Variants in UMODL1 observed in about 807,000 individuals in gnomAD.
The protein encoded by UMODL1 is uromodulin-like 1.
UMODL1 carries 128 observed loss-of-function variants against 136.3 expected under a neutral mutation model. The ratio of observed to expected loss-of-function variants is 0.94; its 90% CI spans 0.81 to 1.09. The LOEUF is 1.09. Among genes scored for constraint, UMODL1 ranks in the 50% least tolerant of loss-of-function variants. UMODL1 has a pLI of 0.00. For missense variants in UMODL1, 1,766 were observed against 1,725.6 expected, an observed-to-expected ratio of 1.02 and a Z score of -0.41; for synonymous variants, 721 against 720.0, an observed-to-expected ratio of 1.00 and a Z score of -0.02.
chr21:42,128,270 G>A (rs1449091655), intron 20 of UMODL1: 1 of 284,874 alleles, frequency 3.5e-6, no homozygotes, highest in Non-Finnish European at 6.9e-6. Flanking sequence ...CAACAATCAT[G>A]CAGGGATAAT....
chr21:42,076,579 C>G (rs2066294168), intron 2 of UMODL1, among the ~76,000 whole-genome samples: 1 of 152,134 alleles, frequency 6.6e-6, no homozygotes, highest in Non-Finnish European at 1.5e-5. Context: ...ATGCCTGGGT[C>G]TCTTCCTGAG....
At chr21:42,063,391 G>T (rs1286147120) in intron 1 of UMODL1, among the ~76,000 whole-genome samples, 1 of 152,182 alleles carries the variant, frequency 6.6e-6, no homozygotes, top group Non-Finnish European at 1.5e-5. Flanking sequence ...CAACCTTGCT[G>T]CCCCTCGGAG....
intron 3 of UMODL1, 45 bp downstream of exon 3, chr21:42,084,290 G>C: frequency 6.3e-7 from 1 of 1,599,630 alleles, no homozygotes. Flanking sequence ...GCAAAGGCGG[G>C]TCTCGGTGAG....
intron 7 of UMODL1, among the ~76,000 whole-genome samples, chr21:42,101,192 C>G (rs1031847484): frequency 3.9e-4 from 60 of 152,070 alleles, no homozygotes; most frequent in Middle Eastern, 3.4e-3. Flanking sequence ...CGGGAGGCAG[C>G]AGGGCAGGTG....
intron 21 of UMODL1, among the ~76,000 whole-genome samples, chr21:42,133,483 C>G (rs2067160082): frequency 6.6e-6 from 1 of 152,238 alleles, no homozygotes; most frequent in Non-Finnish European, 1.5e-5. Flanking sequence ...TCCCTCCACC[C>G]CAGCCCTCAC....
intron 6 of UMODL1, 33 bp from the exon 7 acceptor site, chr21:42,098,893 C>T: frequency 1.2e-6 from 2 of 1,610,082 alleles, no homozygotes; most frequent in Non-Finnish European, 1.7e-6. Context: ...CTCACTGACC[C>T]TTTGCTCATC....
At chr21:42,109,417 G>A (rs964072731) in intron 9 of UMODL1, 145 bp from the exon 10 acceptor site, 32 of 1,057,706 alleles carry the variant, frequency 3.0e-5, no homozygotes, top group Non-Finnish European at 4.1e-5. Context: ...TGTCATGAGA[G>A]TGTTGGACGG....
chr21:42,088,330 C>T lies in UMODL1; in HGVS notation c.640C>T (p.His214Tyr), dbSNP rs1601194612. The change falls in exon 5 of 23, where the codon CAC becomes TAC. Residue 214 changes from histidine to tyrosine, a missense_variant. His to Tyr is a moderately conservative substitution (Grantham distance 83, BLOSUM62 2). Coordinates refer to ENST00000408910, the MANE Select transcript of UMODL1 (RefSeq NM_001004416.3). ...CCTGCAACCAATGGCCTCCACCGTC[C>T]ACCACCTGCACTCAGCCCCTGGGAA... ...SALQPMASTVHHLHSAPGNAS... is the reference protein window; with the variant it reads ...SALQPMASTVYHLHSAPGNAS... The T allele has an allele frequency of 3.7e-6, 6 of 1,613,802 alleles. 1 individual carries two copies. The Admixed American group carries it at 1.0e-4, about 27-fold the overall frequency.
chr21:42,066,173 C>T (rs1382844565), intron 1 of UMODL1, among the ~76,000 whole-genome samples: 1 of 152,224 alleles, frequency 6.6e-6, no homozygotes, highest in Non-Finnish European at 1.5e-5. Context: ...CCCTTAAAAC[C>T]ACCTCAGGAT....
intron 14 of UMODL1, among the ~76,000 whole-genome samples, chr21:42,116,552 A>G (rs1382891656): frequency 2.6e-5 from 4 of 151,560 alleles, no homozygotes; most frequent in Admixed American, 2.6e-4. Context: ...TTCACACTTC[A>G]CTTTCTGTCC....
At chr21:42,102,422 A>G (rs1050458114) in intron 8 of UMODL1, 144 bp downstream of exon 8, 1 of 588,344 alleles carries the variant, frequency 1.7e-6, no homozygotes, top group Admixed American at 3.2e-5. Context: ...GGCCAAACCC[A>G]AATCGCACAG....
chr21:42,108,412 G>A (rs1157732122), intron 9 of UMODL1: 2 of 489,564 alleles, frequency 4.1e-6, no homozygotes, highest in African/African-American at 2.0e-5. Flanking sequence ...TGTTGTGGCA[G>A]CTGACGAGCT....
chr21:42,076,362 G>C, intron 2 of UMODL1, 115 bp downstream of exon 2: 2 of 1,508,098 alleles, frequency 1.3e-6, no homozygotes, highest in South Asian at 2.5e-5. Flanking sequence ...CCAGGAGCAC[G>C]GCTCCCAGCC....
chr21:42,112,298 G>A (rs954655230), intron 12 of UMODL1, among the ~76,000 whole-genome samples: 1 of 150,156 alleles, frequency 6.7e-6, no homozygotes, highest in African/African-American at 2.5e-5. Context: ...CTCCCCAGCT[G>A]TTCTGTATCT....
intron 6 of UMODL1, among the ~76,000 whole-genome samples, chr21:42,097,889 C>A (rs952668470): frequency 6.6e-6 from 1 of 152,168 alleles, no homozygotes; most frequent in Admixed American, 6.5e-5. Flanking sequence ...CAGAGCTTTG[C>A]TCTCTGAGGC....
Position 42,109,570 on chromosome 21 carries a change from G to T in UMODL1, c.1528G>T (p.Glu510Ter). Residue 510 changes from glutamate (E) to a stop codon, truncating the protein, a stop_gained, in exon 10 of 23, where the codon GAG becomes TAG. Transcript: ENST00000408910. LOFTEE classifies it high-confidence loss of function. ...GTGTCTCCCCCTGGCAGACTGGGAC[G>T]AGTGTGTGGACAGCGCGGAACACGA... is the stretch of plus-strand genomic sequence containing the variant. ...RQGTRVQDWD[E>*]CVDSAEHDCS... 6.2e-7 allele frequency: 1 copy of T among 1,611,370 alleles called. No homozygotes were observed.
At chr21:42,079,644 C>T (rs1431450293) in intron 2 of UMODL1, among the ~76,000 whole-genome samples, 4 of 152,188 alleles carry the variant, frequency 2.6e-5, no homozygotes, top group Non-Finnish European at 5.9e-5. Flanking sequence ...TGCCTGAGTG[C>T]ATTCTTTCTA....
At chr21:42,121,841 C>T (rs1283073214) in intron 16 of UMODL1, among the ~76,000 whole-genome samples, 1 of 152,116 alleles carries the variant, frequency 6.6e-6, no homozygotes, top group African/African-American at 2.4e-5. Flanking sequence ...GGAGGGCTTC[C>T]TGGAAGTGGT....
intron 20 of UMODL1, among the ~76,000 whole-genome samples, chr21:42,128,497 A>G (rs752433740): frequency 3.3e-5 from 5 of 151,956 alleles, no homozygotes; most frequent in African/African-American, 9.7e-5. Flanking sequence ...TCCTGCTCTC[A>G]TCTGAGCTGT....
Sources: gnomAD v4.1 joint callset for allele counts (sites outside exome capture counted in the v4.1 genomes callset) on GRCh38, gnomAD v4.1.1 for gene constraint, MANE v1.5 for transcripts, NCBI Gene and HGNC (gene_info 2026-07-23, HGNC 2026-07-21) for gene names.